Variants in PDCD4 observed in about 807,000 individuals in gnomAD.
PDCD4 encodes the protein programmed cell death protein 4.
PDCD4 carries 56 observed loss-of-function variants against 54.0 expected under a neutral mutation model. The ratio of observed to expected loss-of-function variants is 1.04; its 90% CI spans 0.84 to 1.30. The LOEUF is 1.30. Ranked by LOEUF, PDCD4 falls within the 50% of genes most tolerant of loss-of-function variation. The pLI is 0.00. For missense variants in PDCD4, 584 were observed against 559.8 expected (o/e 1.04, Z -0.44); for synonymous variants, 186 against 194.8 (o/e 0.95, Z 0.37).
intron 1 of PDCD4, among the ~76,000 whole-genome samples, chr10:110,874,560 G>C (rs1038005482): frequency 6.6e-5 from 10 of 151,840 alleles, no homozygotes; most frequent in African/African-American, 2.2e-4. Context: ...GGGAGTTATA[G>C]TGAAAAGTGA....
chr10:110,884,056 A>G (rs958740822), intron 4 of PDCD4, among the ~76,000 whole-genome samples: 1 of 152,140 alleles, frequency 6.6e-6, no homozygotes, highest in African/African-American at 2.4e-5. Context: ...CCATGGTCCA[A>G]TGTGGTTTGA....
intron 8 of PDCD4, among the ~76,000 whole-genome samples, chr10:110,893,072 T>C (rs149682427): frequency 6.6e-6 from 1 of 152,038 alleles, no homozygotes. Flanking sequence ...GGCTATACCA[T>C]CTAGGTTTTT....
chr10:110,891,522 G>GA (rs1279162204), intron 8 of PDCD4, among the ~76,000 whole-genome samples: 1 of 143,130 alleles, frequency 7.0e-6, no homozygotes, highest in Non-Finnish European at 1.5e-5. Flanking sequence ...CCAAAAAACA[G>GA]AAAAAACTCC....
intron 11 of PDCD4, among the ~76,000 whole-genome samples, chr10:110,897,696 T>C (rs1707360393): frequency 6.6e-6 from 1 of 152,204 alleles, no homozygotes; most frequent in Non-Finnish European, 1.5e-5. Flanking sequence ...TGGCTTACTG[T>C]TAAGCTTACA....
At chr10:110,891,112 A>G (rs1360490755) in intron 8 of PDCD4, among the ~76,000 whole-genome samples, 2 of 152,284 alleles carry the variant, frequency 1.3e-5, no homozygotes, top group African/African-American at 4.8e-5. Context: ...GAGGACATTC[A>G]CTACCCATAT....
intron 6 of PDCD4, among the ~76,000 whole-genome samples, chr10:110,888,356 T>C (rs1272885435): frequency 6.6e-6 from 1 of 152,190 alleles, no homozygotes; most frequent in Non-Finnish European, 1.5e-5. Context: ...AAAACATTAA[T>C]TTAGAAATAG....
chr10:110,895,841 T>C (rs991622621), intron 10 of PDCD4, 107 bp from the exon 11 acceptor site: 25 of 766,292 alleles, frequency 3.3e-5, no homozygotes, highest in Non-Finnish European at 4.5e-5. Flanking sequence ...GTTTAACCAT[T>C]TGAATATTTG....
At chr10:110,893,696 G>A (rs1340403716) in intron 8 of PDCD4, among the ~76,000 whole-genome samples, 5 of 152,006 alleles carry the variant, frequency 3.3e-5, no homozygotes, top group South Asian at 2.1e-4. Context: ...TATTAAGAGC[G>A]TCTTGATAGA....
chr10:110,891,922 TC>T (rs1237783603), intron 8 of PDCD4, among the ~76,000 whole-genome samples: 1 of 152,184 alleles, frequency 6.6e-6, no homozygotes, highest in Non-Finnish European at 1.5e-5. Context: ...CTAGTTGTAT[TC>T]CCAGATAACA....
intron 11 of PDCD4, among the ~76,000 whole-genome samples, 168 bp from the exon 12 acceptor site, chr10:110,897,860 A>G (rs549092051): frequency 6.6e-6 from 1 of 151,874 alleles, no homozygotes; most frequent in East Asian, 1.9e-4. Context: ...TAAGATATAT[A>G]GTAGGGAGTC....
chr10:110,894,298 C>G, intron 9 of PDCD4, 100 bp downstream of exon 9: 1 of 887,680 alleles, frequency 1.1e-6, no homozygotes, highest in South Asian at 1.4e-5. Context: ...TTTTTAATAT[C>G]AAAGGAGGAA....
At chr10:110,874,109 C>T (rs1050412344) in intron 1 of PDCD4, among the ~76,000 whole-genome samples, 2 of 152,202 alleles carry the variant, frequency 1.3e-5, no homozygotes, top group Admixed American at 1.3e-4. Flanking sequence ...GGCTGTTCCA[C>T]TAAGCAGCTG....
At chr10:110,885,458 GA>G in intron 5 of PDCD4, 92 bp downstream of exon 5, 12 of 554,738 alleles carry the variant, frequency 2.2e-5, no homozygotes, top group Non-Finnish European at 3.6e-5. Flanking sequence ...TTGGGTCACT[GA>G]ATAAATTTAA....
At chr10:110,887,355 C>T (rs112926213) in intron 5 of PDCD4, among the ~76,000 whole-genome samples, 6,801 of 152,192 alleles carry the variant, frequency 0.045, 203 homozygotes, top group Non-Finnish European at 0.068. Flanking sequence ...GATGAAATCA[C>T]CTAAATGGTG....
At position 110,885,116 on chromosome 10, in the gene PDCD4, G is replaced by A. The variant is rs918132418; in HGVS notation, c.442-137G>A. 8 of 501,570 alleles carry A rather than the reference G, an allele frequency of 1.6e-5. No homozygotes were observed. The South Asian group carries it at 1.7e-4, about 11-fold the overall frequency. The allele number at this position is 501,570 out of a possible 1,614,324, so 31.1% of individuals were successfully genotyped here. A position where few individuals can be genotyped will look rare whatever the true frequency, so the allele number is the denominator to read the frequency against. On this transcript the variant is annotated intron_variant, in intron 4 of 11. Transcript: ENST00000280154. ...TGGCCTAGATTCTATTTTTATATGCGATCAATGTATGTAGCATGTCTTTGT... is the reference window on the plus strand; with the variant it reads ...TGGCCTAGATTCTATTTTTATATGCAATCAATGTATGTAGCATGTCTTTGT...
At chr10:110,889,989 A>T (rs1845731441) in intron 7 of PDCD4, among the ~76,000 whole-genome samples, 1 of 152,184 alleles carries the variant, frequency 6.6e-6, no homozygotes, top group Non-Finnish European at 1.5e-5. Flanking sequence ...TAACCTTAAG[A>T]AGAGAGGCCT....
chr10:110,890,551 T>C lies in PDCD4; in HGVS notation c.876-5T>C. 6.3e-7 allele frequency: 1 copy of C among 1,590,896 alleles called. No individual in the cohort carries two copies. Among genetic ancestry groups the C allele is most frequent in the Non-Finnish European group, 8.6e-7 (1 of 1,163,530 alleles). ...TCAAACTTAAATTTTTTTCTTTCTC[T>C]GTAGAGCTGCTCTGGATAAGGCTAC... On this transcript the variant is annotated splice_region_variant and splice_polypyrimidine_tract_variant and intron_variant, in intron 7 of 11. Coordinates refer to ENST00000280154, the MANE Select transcript of PDCD4 (RefSeq NM_014456.5).
Position 110,881,424 on chromosome 10 carries a change from G to C in PDCD4, c.235G>C (p.Asp79His). The change falls in exon 3 of 12, where the codon GAC becomes CAC. Residue 79 changes from aspartate (D) to histidine (H), a missense_variant. By Grantham distance (81) the Asp-to-His change is moderately conservative. Transcript: ENST00000280154. ...CTCTGGCAGAGGCGATTCGGTCAGC[G>C]ACAGTGGGAGTGACGCCCTTAGAAG... Reference protein sequence around the residue: ...RDSGRGDSVSDSGSDALRSGL... With the variant: ...RDSGRGDSVSHSGSDALRSGL... The C allele has an allele frequency of 6.2e-7, 1 of 1,614,184 alleles. No homozygotes were observed. The highest frequency in any genetic ancestry group is 1.1e-5 in the South Asian group (1 of 91,084).
intron 1 of PDCD4, among the ~76,000 whole-genome samples, chr10:110,875,084 C>G (rs973943430): frequency 6.6e-6 from 1 of 152,124 alleles, no homozygotes; most frequent in Non-Finnish European, 1.5e-5. Flanking sequence ...TAGAGAGATT[C>G]TGAAATCTTA....
Sources: allele counts gnomAD v4.1 joint callset (sites outside exome capture counted in the v4.1 genomes callset), GRCh38; gene constraint gnomAD v4.1.1; transcripts MANE v1.5; gene names NCBI Gene and HGNC (gene_info 2026-07-23, HGNC 2026-07-21).